ZPBP: variants seen among roughly 807,000 people sequenced by gnomAD.
ZPBP encodes zona pellucida-binding protein 1.
Under a neutral mutation model 44.8 loss-of-function variants are expected in ZPBP, and 26 were observed. The ratio of observed to expected loss-of-function variants is 0.58; its 90% CI spans 0.43 to 0.81. The LOEUF (loss-of-function observed/expected upper bound fraction) is 0.81, where lower values mean the gene tolerates loss of function less well. ZPBP is among the 30% of genes least tolerant of loss of function. ZPBP has a pLI of 0.00. For missense variants in ZPBP, 409 were observed against 434.0 expected, an observed-to-expected ratio of 0.94 and a Z score of 0.51; for synonymous variants, 174 against 153.2, an observed-to-expected ratio of 1.14 and a Z score of -1.00.
chr7:49,928,712 T>G (rs926067423), intron 1 of ZPBP, among the ~76,000 whole-genome samples: 6 of 152,168 alleles, frequency 3.9e-5, no homozygotes, highest in African/African-American at 1.4e-4. Context: ...AGCCCAATCT[T>G]GTACACACCA....
rs1051213045 is a variant in ZPBP at position 49,983,261 on chromosome 7, G to A, written c.961+81C>T. 7.7e-6 allele frequency: 9 copies of A among 1,176,020 alleles called. No homozygotes were observed. In the African/African-American group the frequency reaches 1.2e-4, roughly 16 times the overall value. 72.8% of individuals were successfully genotyped at this position (1,176,020 alleles called of 1,614,324 possible). On this transcript the variant is annotated intron_variant, in intron 7 of 7. Transcript: ENST00000046087. The stretch of plus-strand genomic sequence containing the variant: ...AATACCTAAATGATAGTAAAAATAA[G>A]TGATATGCATTCACTTAGGCTTAAT...
chr7:49,978,093 TTG>T (rs1165695498), intron 7 of ZPBP, among the ~76,000 whole-genome samples: 2 of 150,978 alleles, frequency 1.3e-5, no homozygotes, highest in African/African-American at 4.8e-5. Flanking sequence ...TTTTTTTTTT[TTG>T]AAAAACTAGC....
chr7:50,064,753 G>T (rs766565343), intron 3 of ZPBP, among the ~76,000 whole-genome samples: 8 of 152,012 alleles, frequency 5.3e-5, no homozygotes, highest in Non-Finnish European at 1.2e-4. Flanking sequence ...TTTTTTCAAG[G>T]TGCCCACATT....
At chr7:49,975,017 C>A (rs1359646198) in intron 7 of ZPBP, among the ~76,000 whole-genome samples, 1 of 152,060 alleles carries the variant, frequency 6.6e-6, no homozygotes, top group Non-Finnish European at 1.5e-5. Flanking sequence ...AGTGGCATTC[C>A]CTCCCATGCC....
chr7:50,044,842 T>A (rs1173195287), intron 4 of ZPBP, among the ~76,000 whole-genome samples: 1 of 152,066 alleles, frequency 6.6e-6, no homozygotes, highest in African/African-American at 2.4e-5. Flanking sequence ...GATATCAAAA[T>A]CTGGCAGAGA....
intron 3 of ZPBP, among the ~76,000 whole-genome samples, chr7:50,071,460 G>A (rs1310796895): frequency 1.3e-5 from 2 of 152,184 alleles, no homozygotes. Context: ...AAACATAGGT[G>A]AGTCCTAGTG....
intron 4 of ZPBP, among the ~76,000 whole-genome samples, chr7:50,036,984 T>C (rs946078755): frequency 6.6e-6 from 1 of 151,820 alleles, no homozygotes; most frequent in African/African-American, 2.4e-5. Flanking sequence ...ACAGAAAAAA[T>C]TGTAAAATTT....
intron 2 of ZPBP, among the ~76,000 whole-genome samples, chr7:49,895,731 G>GCAT (rs74541676): frequency 0.76 from 115,955 of 151,608 alleles, 44,512 homozygotes; most frequent in East Asian, 0.89. Context: ...TTTTCTGCCT[G>GCAT]CATATTTCTT....
At chr7:49,856,039 T>C (rs1485664054) in intron 2 of ZPBP, among the ~76,000 whole-genome samples, 2 of 152,198 alleles carry the variant, frequency 1.3e-5, no homozygotes, top group Non-Finnish European at 2.9e-5. Flanking sequence ...AGTTCAGGTA[T>C]ATAAGGCTGC....
intron 1 of ZPBP, among the ~76,000 whole-genome samples, chr7:49,903,155 T>G (rs1346951025): frequency 6.6e-6 from 1 of 152,218 alleles, no homozygotes. Context: ...GTGGTTGGAC[T>G]GTAAATTTTA....
At chr7:50,021,432 A>T (rs1799085510) in intron 5 of ZPBP, among the ~76,000 whole-genome samples, 1 of 152,254 alleles carries the variant, frequency 6.6e-6, no homozygotes, top group Non-Finnish European at 1.5e-5. Flanking sequence ...AGCAAGCAAA[A>T]GAAAGAATTA....
chr7:50,030,510 A>AC (rs1799557357), intron 5 of ZPBP, among the ~76,000 whole-genome samples: 1 of 151,436 alleles, frequency 6.6e-6, no homozygotes, highest in Admixed American at 6.6e-5. Flanking sequence ...TTAAAAAAAA[A>AC]CCCTAAAAAA....
At chr7:49,972,253 G>A (rs1796329123) in intron 7 of ZPBP, among the ~76,000 whole-genome samples, 1 of 151,386 alleles carries the variant, frequency 6.6e-6, no homozygotes, top group Admixed American at 6.6e-5. Flanking sequence ...GAGAAATTGG[G>A]CAAGAAAAAT....
intron 6 of ZPBP, among the ~76,000 whole-genome samples, chr7:50,005,069 G>A (rs1244107138): frequency 6.7e-6 from 1 of 148,338 alleles, no homozygotes; most frequent in East Asian, 2.0e-4. Flanking sequence ...AACTCTGTAA[G>A]ATCATTGACT....
chr7:50,002,036 T>A (rs1798123024), intron 6 of ZPBP, among the ~76,000 whole-genome samples: 1 of 152,140 alleles, frequency 6.6e-6, no homozygotes. Context: ...TAATTTTTAA[T>A]TTTTTGTAGA....
chr7:50,048,736 G>C (rs1800521560), intron 4 of ZPBP, among the ~76,000 whole-genome samples: 1 of 151,888 alleles, frequency 6.6e-6, no homozygotes, highest in African/African-American at 2.4e-5. Flanking sequence ...ATAAAAGAAA[G>C]CTCTCACGTA....
At chr7:49,947,594 A>C in intron 7 of ZPBP, among the ~76,000 whole-genome samples, 1 of 152,324 alleles carries the variant, frequency 6.6e-6, no homozygotes, top group South Asian at 2.1e-4. Context: ...GCTGACTGGA[A>C]CAAGAGGAGG....
intron 3 of ZPBP, 44 bp from the exon 4 acceptor site, chr7:50,058,185 G>A (rs748233424): frequency 6.3e-7 from 1 of 1,598,366 alleles, no homozygotes; most frequent in Non-Finnish European, 8.6e-7. Context: ...AATTACATGA[G>A]ACAAGTACCA....
At chr7:50,036,395 T>A (rs67204452) in intron 4 of ZPBP, among the ~76,000 whole-genome samples, 37,995 of 152,032 alleles carry the variant, frequency 0.25, 5,871 homozygotes, top group Non-Finnish European at 0.36. Flanking sequence ...TGTGATCCAC[T>A]CTCCTTCGCC....
Sources: gnomAD v4.1 joint callset for allele counts (sites outside exome capture counted in the v4.1 genomes callset) on GRCh38, gnomAD v4.1.1 for gene constraint, MANE v1.5 for transcripts, NCBI Gene and HGNC (gene_info 2026-07-23, HGNC 2026-07-21) for gene names.